NFIA: variants seen among roughly 807,000 people sequenced by gnomAD.
NFIA encodes nuclear factor 1 A-type.
In NFIA, 8 loss-of-function variants were observed where a neutral mutation model predicts 62.8. The ratio of observed to expected loss-of-function variants is 0.13; its 90% CI spans 0.07 to 0.23. NFIA has a LOEUF of 0.23. Ranked by LOEUF, NFIA falls within the 10% of genes least tolerant of loss-of-function variation. The pLI is 1.00. For missense variants in NFIA, 410 were observed against 642.1 expected (o/e 0.64, Z 3.91); for synonymous variants, 235 against 238.1 (o/e 0.99, Z 0.12).
At chr1:61,425,969 A>C (rs1217377925) in intron 9 of NFIA, among the ~76,000 whole-genome samples, 1 of 152,226 alleles carries the variant, frequency 6.6e-6, no homozygotes, top group Non-Finnish European at 1.5e-5. Context: ...AGAACCCATT[A>C]GTTCCTTCTA....
chr1:61,288,394 A>G (rs780194585), intron 3 of NFIA, among the ~76,000 whole-genome samples: 2 of 152,196 alleles, frequency 1.3e-5, no homozygotes, highest in Non-Finnish European at 2.9e-5. Context: ...GGTATGACAA[A>G]TCTTGTTTGA....
intron 9 of NFIA, among the ~76,000 whole-genome samples, chr1:61,410,463 G>A (rs1199099168): frequency 6.6e-6 from 1 of 152,220 alleles, no homozygotes; most frequent in African/African-American, 2.4e-5. Context: ...GGAGCATCAT[G>A]ACAGGGTATT....
intron 2 of NFIA, among the ~76,000 whole-genome samples, chr1:61,254,759 T>C (rs1570459814): frequency 6.6e-6 from 1 of 152,248 alleles, no homozygotes; most frequent in South Asian, 2.1e-4. Flanking sequence ...AAACGGCAGA[T>C]ATCTGCATAT....
At chr1:61,256,756 T>A (rs1273182409) in intron 2 of NFIA, among the ~76,000 whole-genome samples, 2 of 152,164 alleles carry the variant, frequency 1.3e-5, no homozygotes, top group African/African-American at 4.8e-5. Context: ...TACACAGGTC[T>A]GTAGTTAGCA....
At chr1:61,380,242 A>G (rs1288512800) in intron 6 of NFIA, among the ~76,000 whole-genome samples, 1 of 152,192 alleles carries the variant, frequency 6.6e-6, no homozygotes, top group Non-Finnish European at 1.5e-5. Flanking sequence ...CTCATTCTAC[A>G]AAAGTCTTTA....
intron 2 of NFIA, among the ~76,000 whole-genome samples, chr1:61,100,197 T>C (rs1646484106): frequency 6.6e-6 from 1 of 152,242 alleles, no homozygotes; most frequent in South Asian, 2.1e-4. Flanking sequence ...CCTTCTTTTT[T>C]ACATTTGAGG....
intron 2 of NFIA, among the ~76,000 whole-genome samples, chr1:61,187,695 A>G (rs1013500061): frequency 3.3e-5 from 5 of 152,208 alleles, no homozygotes; most frequent in African/African-American, 1.2e-4. Flanking sequence ...CTTGCCTTTA[A>G]GTCTTGTTTC....
chr1:61,293,891 T>C (rs1659041113), intron 3 of NFIA, among the ~76,000 whole-genome samples: 1 of 152,246 alleles, frequency 6.6e-6, no homozygotes, highest in Admixed American at 6.5e-5. Flanking sequence ...CCAAAATTGC[T>C]TTTTATTCTG....
At chr1:61,332,405 G>T (rs1661343807) in intron 3 of NFIA, 107 bp from the exon 4 acceptor site, 1 of 1,017,270 alleles carries the variant, frequency 9.8e-7, no homozygotes, top group Non-Finnish European at 1.5e-6. Context: ...CAGAGAATGA[G>T]ATTAGGCACC....
At chr1:61,117,151 A>T (rs1206034160) in intron 2 of NFIA, among the ~76,000 whole-genome samples, 3 of 152,198 alleles carry the variant, frequency 2.0e-5, no homozygotes, top group Admixed American at 1.3e-4. Context: ...TGCACCCATC[A>T]GGGCAGTTAA....
chr1:61,251,236 T>A (rs535362497), intron 2 of NFIA: 1 of 152,348 alleles, frequency 6.6e-6, no homozygotes, highest in East Asian at 1.9e-4. Context: ...AATAAAAATT[T>A]CACTGGAAAG....
intron 2 of NFIA, among the ~76,000 whole-genome samples, chr1:61,155,142 G>A (rs991789553): frequency 6.6e-6 from 1 of 152,054 alleles, no homozygotes; most frequent in African/African-American, 2.4e-5. Context: ...TCATCATATT[G>A]GTTATAGAAG....
chr1:61,086,676 TAG>T (rs976831384), intron 1 of NFIA, among the ~76,000 whole-genome samples: 38 of 152,288 alleles, frequency 2.5e-4, no homozygotes, highest in African/African-American at 7.2e-4. Flanking sequence ...CTCAGTCATA[TAG>T]AGTGTTTAAA....
chr1:61,172,658 G>A (rs1353341797), intron 2 of NFIA, among the ~76,000 whole-genome samples: 1 of 152,170 alleles, frequency 6.6e-6, no homozygotes, highest in Admixed American at 6.5e-5. Flanking sequence ...TATAGTCAGA[G>A]GTCTGTATGC....
At chr1:61,205,015 A>G (rs1285681752) in intron 2 of NFIA, among the ~76,000 whole-genome samples, 1 of 152,192 alleles carries the variant, frequency 6.6e-6, no homozygotes, top group African/African-American at 2.4e-5. Flanking sequence ...ACATGCTAGT[A>G]TACACTGATG....
chr1:61,164,260 T>A (rs1302298412), intron 2 of NFIA, among the ~76,000 whole-genome samples: 1 of 152,048 alleles, frequency 6.6e-6, no homozygotes, highest in Non-Finnish European at 1.5e-5. Context: ...GCCATATGTA[T>A]GTTGAAGGTA....
intron 3 of NFIA, among the ~76,000 whole-genome samples, chr1:61,303,589 C>T (rs1237284144): frequency 6.6e-6 from 1 of 152,142 alleles, no homozygotes; most frequent in Non-Finnish European, 1.5e-5. Context: ...ATGAAGACAG[C>T]AAGGTGAGCA....
chr1:61,163,604 C>T (rs1042560818), intron 2 of NFIA, among the ~76,000 whole-genome samples: 14 of 151,930 alleles, frequency 9.2e-5, no homozygotes, highest in Non-Finnish European at 1.9e-4. Flanking sequence ...TGGTGGTGTG[C>T]TATGGAAGCG....
At chr1:61,370,804 G>C (rs1250072637) in intron 6 of NFIA, among the ~76,000 whole-genome samples, 1 of 152,124 alleles carries the variant, frequency 6.6e-6, no homozygotes, top group Non-Finnish European at 1.5e-5. Context: ...CAAGCATCTT[G>C]TTCCTCATTT....
Sources: allele counts gnomAD v4.1 joint callset (sites outside exome capture counted in the v4.1 genomes callset), GRCh38; gene constraint gnomAD v4.1.1; transcripts MANE v1.5; gene names NCBI Gene and HGNC (gene_info 2026-07-23, HGNC 2026-07-21).